The following ZNF292 variants were observed in gnomAD, a reference collection of about 807,000 sequenced individuals.
ZNF292 encodes the protein zinc finger protein 292.
ZNF292 carries 26 observed loss-of-function variants against 217.9 expected under a neutral mutation model. The observed-to-expected ratio is 0.12, with a 90% CI of 0.09 to 0.17. The LOEUF (loss-of-function observed/expected upper bound fraction) is 0.17, where lower values mean the gene tolerates loss of function less well. ZNF292 is among the 10% of genes least tolerant of loss of function. The pLI is 1.00. For missense variants in ZNF292, 2,904 were observed against 3,175.2 expected, an observed-to-expected ratio of 0.91 and a Z score of 2.05; for synonymous variants, 1,257 against 1,124.1, an observed-to-expected ratio of 1.12 and a Z score of -2.37.
intron 1 of ZNF292, among the ~76,000 whole-genome samples, chr6:87,195,186 A>G (rs1771920020): frequency 1.3e-5 from 2 of 152,238 alleles, no homozygotes; most frequent in Non-Finnish European, 2.9e-5. Context: ...ACAAAGTAAA[A>G]TGTTGAAGAA....
Position 87,246,639 on chromosome 6 carries a change from C to T in ZNF292, c.1020+995C>T, listed in dbSNP as rs540898475. Reference sequence around the variant, plus strand: ...CAGTACTTTGGGAGGCCAAGGTGGGCGGATGACTTGAGGTCAGAAGTTTGA... The same window carrying T: ...CAGTACTTTGGGAGGCCAAGGTGGGTGGATGACTTGAGGTCAGAAGTTTGA... On this transcript the variant is annotated intron_variant, in intron 7 of 7. Coordinates refer to ENST00000369577, the MANE Select transcript of ZNF292 (RefSeq NM_015021.3). Among the ~76,000 whole-genome samples the T allele has an allele frequency of 3.8e-4, 58 of 151,940 alleles. 1 individual carries two copies. The highest frequency in any genetic ancestry group is 6.9e-4 in the Non-Finnish European group (47 of 67,972).
In ZNF292 at chr6:87,263,505, T is replaced by G. The variant is rs1775708419; in HGVS notation, c.*1704T>G. 6.6e-6 allele frequency: 1 copy of G among 151,976 alleles called. No individual in the cohort carries two copies. Among genetic ancestry groups the G allele is most frequent in the African/African-American group, 2.4e-5 (1 of 41,424 alleles). The allele number at this position is 151,976 out of a possible 1,614,324, so 9.4% of individuals were successfully genotyped here. A position where few individuals can be genotyped will look rare whatever the true frequency, so the allele number is the denominator to read the frequency against. ...GGAGTGAACTATTTTCTTTTGGAAA[T>G]TTCTTTTTAATTTTTATTATTAAAG... On this transcript the variant is annotated 3_prime_UTR_variant, in exon 8 of 8. Transcript: ENST00000369577.
In ZNF292 at chr6:87,259,051, G is replaced by T. The variant is rs556893194; in HGVS notation, c.5422G>T (p.Asp1808Tyr). The T allele has an allele frequency of 1.5e-5, 24 of 1,613,164 alleles. No individual in the cohort carries two copies. In the East Asian group the frequency reaches 4.5e-4, roughly 30 times the overall value. The change falls in exon 8 of 8, where the codon GAT (aspartate) becomes TAT (tyrosine). Residue 1808 changes from aspartate to tyrosine, a missense_variant. Coordinates refer to ENST00000369577, the MANE Select transcript of ZNF292 (RefSeq NM_015021.3). ...VNTVQNNKLP[D>Y]SSPFSSFISV... ...CACTGTGCAAAATAACAAATTACCC[G>T]ATTCTTCTCCGTTTTCCTCCTTTAT...
At chr6:87,175,092 G>C (rs1053338913) in intron 1 of ZNF292, among the ~76,000 whole-genome samples, 1 of 152,046 alleles carries the variant, frequency 6.6e-6, no homozygotes, top group Non-Finnish European at 1.5e-5. Context: ...CATCACTTCT[G>C]TCTTTTAGCC....
chr6:87,179,158 CTTT>C (rs10670719), intron 1 of ZNF292, among the ~76,000 whole-genome samples: 1 of 116,348 alleles, frequency 8.6e-6, no homozygotes, highest in Admixed American at 1.0e-4. Context: ...ATATATGTGG[CTTT>C]TTTTTTTTTT....
Position 87,259,006 on chromosome 6 carries a change from A to T in ZNF292, c.5377A>T (p.Ile1793Phe), listed in dbSNP as rs1326906879. The T allele has an allele frequency of 6.2e-7, 1 of 1,613,456 alleles. No homozygotes were observed. The highest frequency in any genetic ancestry group is 8.5e-7 in the Non-Finnish European group (1 of 1,179,690). The change falls in exon 8 of 8, where the codon ATT becomes TTT. Residue 1793 changes from isoleucine (I) to phenylalanine (F), a missense_variant. Coordinates refer to ENST00000369577, the MANE Select transcript of ZNF292 (RefSeq NM_015021.3). ...ACAAAATGCTCAAATAAATTATAACATTCAGCTTCCTTCAGTAAACACTGT... is the reference window on the plus strand; with the variant it reads ...ACAAAATGCTCAAATAAATTATAACTTTCAGCTTCCTTCAGTAAACACTGT... ...TSQNAQINYNIQLPSVNTVQN... is the reference protein window; with the variant it reads ...TSQNAQINYNFQLPSVNTVQN...
rs766239064 is a variant in ZNF292 at position 87,256,126 on chromosome 6, ACTC to A, written c.2503_2505del (p.Pro835del). The stretch of plus-strand genomic sequence containing the variant: ...GGAAAAGCATCTGGATGATCACAGT[ACTC>A]CTCCTGAAAAAGTGCTGCCTCCTGA... On this transcript the variant is annotated inframe_deletion, in exon 8 of 8. Transcript: ENST00000369577. 3.2e-5 allele frequency: 52 copies of A among 1,613,460 alleles called. No homozygotes were observed. The Middle Eastern group carries it at 6.6e-4, about 20-fold the overall frequency.
At chr6:87,188,873 T>C (rs536931802) in intron 1 of ZNF292, among the ~76,000 whole-genome samples, 3 of 152,132 alleles carry the variant, frequency 2.0e-5, no homozygotes, top group South Asian at 2.1e-4. Flanking sequence ...TAAATTATTA[T>C]AGGTTTGAAA....
intron 1 of ZNF292, among the ~76,000 whole-genome samples, chr6:87,178,187 G>A (rs1027221437): frequency 6.7e-6 from 1 of 149,372 alleles, no homozygotes; most frequent in African/African-American, 2.5e-5. Context: ...ATTGAACTGT[G>A]TATGTTTTTC....
chr6:87,232,214 G>A (rs1180285947), intron 4 of ZNF292, among the ~76,000 whole-genome samples: 1 of 152,036 alleles, frequency 6.6e-6, no homozygotes, highest in East Asian at 1.9e-4. Flanking sequence ...TAATACCAAC[G>A]AGCCATGATC....
intron 4 of ZNF292, among the ~76,000 whole-genome samples, chr6:87,225,917 A>G (rs753891325): frequency 6.6e-6 from 1 of 152,132 alleles, no homozygotes; most frequent in South Asian, 2.1e-4. Context: ...TGTTCTCAGC[A>G]TTTTTGGTGA....
At chr6:87,254,241 CATTT>C (rs1562179324) in intron 7 of ZNF292, among the ~76,000 whole-genome samples, 1 of 152,176 alleles carries the variant, frequency 6.6e-6, no homozygotes, top group South Asian at 2.1e-4. Context: ...ATAAGGATGA[CATTT>C]ATTGATCATT....
chr6:87,182,767 C>T lies in ZNF292; in HGVS notation c.168+27008C>T, dbSNP rs114174368. Among the ~76,000 whole-genome samples, 966 of 152,258 alleles carry T rather than the reference C, an allele frequency of 6.3e-3. 13 individuals carry two copies. The highest frequency in any genetic ancestry group is 0.021 in the African/African-American group (871 of 41,550). ...AATTTGCTATATCCAGTAGCCTTTA[C>T]ATTAGTATAGAAGTAATGAACCTGC... On this transcript the variant is annotated intron_variant, in intron 1 of 7. Coordinates refer to ENST00000369577, the MANE Select transcript of ZNF292 (RefSeq NM_015021.3).
In ZNF292 at chr6:87,256,778, G is replaced by A. The variant is rs1775243272; in HGVS notation, c.3149G>A (p.Cys1050Tyr). ...AATTTACCAACTTCCAAATTTGAAT[G>A]TGGAGATAATGTTAAAACATCATCC... ...QNNLPTSKFE[C>Y]GDNVKTSSNL... Residue 1050 changes from cysteine to tyrosine, a missense_variant, in exon 8 of 8, where the codon TGT becomes TAT. Cys to Tyr is a radical substitution (Grantham distance 194). Coordinates refer to ENST00000369577, the MANE Select transcript of ZNF292 (RefSeq NM_015021.3). The A allele has an allele frequency of 1.9e-6, 3 of 1,612,886 alleles. No homozygotes were observed. The highest frequency in any genetic ancestry group is 2.5e-6 in the Non-Finnish European group (3 of 1,179,770).
chr6:87,210,571 A>G (rs1218866002), intron 1 of ZNF292, among the ~76,000 whole-genome samples: 2 of 151,866 alleles, frequency 1.3e-5, no homozygotes, highest in Admixed American at 6.6e-5. Context: ...CACGAGGTCA[A>G]GAGATCAAGA....
intron 4 of ZNF292, among the ~76,000 whole-genome samples, chr6:87,232,020 C>G (rs1773681658): frequency 6.6e-6 from 1 of 152,108 alleles, no homozygotes; most frequent in African/African-American, 2.4e-5. Flanking sequence ...AAAAGTAATG[C>G]CCTTTATCTC....
chr6:87,226,639 CTATATATCTATATATATATAGATA>C (rs1773359153), intron 4 of ZNF292, among the ~76,000 whole-genome samples: 4 of 114,208 alleles, frequency 3.5e-5, no homozygotes, highest in African/African-American at 1.6e-4. Context: ...GTATATATAT[CTATATATCTATATATATATAGATA>C]TATAGATATA....
chr6:87,176,061 A>G (rs1771278825), intron 1 of ZNF292, among the ~76,000 whole-genome samples: 1 of 152,242 alleles, frequency 6.6e-6, no homozygotes, highest in Non-Finnish European at 1.5e-5. Context: ...AGTTTGTAGT[A>G]TATGTGTGGT....
chr6:87,197,714 C>T (rs1462122588), intron 1 of ZNF292, among the ~76,000 whole-genome samples: 3 of 115,134 alleles, frequency 2.6e-5, no homozygotes, highest in African/African-American at 3.6e-5. Context: ...GAGTGAGACT[C>T]GCTGTTTCAA....
Sources: gnomAD v4.1 joint callset for allele counts (sites outside exome capture counted in the v4.1 genomes callset) on GRCh38, gnomAD v4.1.1 for gene constraint, MANE v1.5 for transcripts, NCBI Gene and HGNC (gene_info 2026-07-23, HGNC 2026-07-21) for gene names.